The following CNOT6 variants were observed in gnomAD, a reference collection of about 807,000 sequenced individuals.
CNOT6 encodes CCR4-NOT transcription complex subunit 6, also known as carbon catabolite repression 4 protein.
CNOT6 carries 12 observed loss-of-function variants against 61.2 expected under a neutral mutation model. The ratio of observed to expected loss-of-function variants is 0.20; its 90% confidence interval spans 0.13 to 0.32. The LOEUF (loss-of-function observed/expected upper bound fraction) is 0.32. Ranked by LOEUF, CNOT6 falls within the 10% of genes least tolerant of loss-of-function variation. CNOT6 has a pLI of 1.00. For missense variants in CNOT6, 405 were observed against 663.9 expected (o/e 0.61, Z 4.28); for synonymous variants, 225 against 240.6 (o/e 0.94, Z 0.60).
intron 11 of CNOT6, among the ~76,000 whole-genome samples, chr5:180,572,056 C>G (rs752814473): frequency 6.6e-6 from 1 of 152,300 alleles, no homozygotes; most frequent in East Asian, 1.9e-4. Context: ...GCTAGATATG[C>G]AGCACCATAA....
chr5:180,573,552 AGTGT>A (rs755954581), intron 11 of CNOT6, among the ~76,000 whole-genome samples: 1,852 of 119,142 alleles, frequency 0.016, 36 homozygotes, highest in African/African-American at 0.032. Flanking sequence ...GGAGGGGGGC[AGTGT>A]GTGTGTGTGT....
At chr5:180,566,069 A>G in intron 7 of CNOT6, 92 bp downstream of exon 7, 1 of 1,203,926 alleles carries the variant, frequency 8.3e-7, no homozygotes, top group South Asian at 1.6e-5. Flanking sequence ...TTTTAGCTTC[A>G]GTAGTTCTTA....
intron 1 of CNOT6, among the ~76,000 whole-genome samples, chr5:180,516,100 C>T (rs186724657): frequency 6.6e-6 from 1 of 151,544 alleles, no homozygotes; most frequent in Admixed American, 6.6e-5. Context: ...CAGGATCTTC[C>T]ATGTTGCCCA....
chr5:180,547,206 T>C (rs932828824), intron 2 of CNOT6, among the ~76,000 whole-genome samples: 1 of 118,958 alleles, frequency 8.4e-6, no homozygotes, highest in Admixed American at 8.2e-5. Context: ...TGACAGGATT[T>C]TTTTTTTCCT....
intron 4 of CNOT6, among the ~76,000 whole-genome samples, chr5:180,561,114 C>G (rs947001797): frequency 5.3e-5 from 8 of 152,026 alleles, no homozygotes; most frequent in African/African-American, 1.9e-4. Context: ...CCATGCCTGG[C>G]TAGTTTTGTT....
At chr5:180,531,669 C>T (rs374210302) in intron 2 of CNOT6, among the ~76,000 whole-genome samples, 1 of 152,200 alleles carries the variant, frequency 6.6e-6, no homozygotes, top group Non-Finnish European at 1.5e-5. Flanking sequence ...GCCGAGATCA[C>T]GCCACTGCAC....
chr5:180,514,753 C>T (rs1757556164), intron 1 of CNOT6, among the ~76,000 whole-genome samples: 1 of 152,062 alleles, frequency 6.6e-6, no homozygotes, highest in African/African-American at 2.4e-5. Flanking sequence ...TGAAGGTACT[C>T]AGTAAATATT....
At chr5:180,509,436 T>G (rs982197152) in intron 1 of CNOT6, among the ~76,000 whole-genome samples, 6 of 152,072 alleles carry the variant, frequency 3.9e-5, no homozygotes, top group African/African-American at 1.4e-4. Flanking sequence ...GCCCTGATTT[T>G]TTTTGTTTTT....
intron 2 of CNOT6, among the ~76,000 whole-genome samples, chr5:180,541,441 A>T (rs34514603): frequency 0.49 from 51,703 of 106,240 alleles, 12,366 homozygotes; most frequent in Non-Finnish European, 0.56. Context: ...TGGCCAAGAA[A>T]TTTTTTTTTT....
intron 3 of CNOT6, 22 bp downstream of exon 3, chr5:180,550,139 C>T (rs530357182): frequency 1.3e-6 from 2 of 1,597,428 alleles, no homozygotes. Flanking sequence ...CAACTTAATA[C>T]ATACTAGCTA....
chr5:180,517,205 AC>A (rs1757677059), intron 1 of CNOT6, among the ~76,000 whole-genome samples: 1 of 152,030 alleles, frequency 6.6e-6, no homozygotes, highest in Non-Finnish European at 1.5e-5. Context: ...TGGCGTGATC[AC>A]TGCCCACTGT....
At chr5:180,549,449 A>G (rs1481062529) in intron 2 of CNOT6, among the ~76,000 whole-genome samples, 3 of 152,094 alleles carry the variant, frequency 2.0e-5, no homozygotes, top group South Asian at 2.1e-4. Flanking sequence ...GGAGATCGAG[A>G]CCATCCTTGT....
At chr5:180,508,653 G>T (rs1006299633) in intron 1 of CNOT6, among the ~76,000 whole-genome samples, 2 of 151,308 alleles carry the variant, frequency 1.3e-5, no homozygotes, top group African/African-American at 4.9e-5. Context: ...TCAAGGCAAG[G>T]TCTCACGGTC....
intron 4 of CNOT6, among the ~76,000 whole-genome samples, chr5:180,555,904 C>G (rs1205119283): frequency 6.6e-6 from 1 of 152,098 alleles, no homozygotes; most frequent in Non-Finnish European, 1.5e-5. Flanking sequence ...TTTTTCCCCC[C>G]ACATTTTTAA....
intron 7 of CNOT6, among the ~76,000 whole-genome samples, chr5:180,566,358 C>T (rs763491784): frequency 5.9e-5 from 9 of 152,152 alleles, no homozygotes; most frequent in Non-Finnish European, 1.2e-4. Flanking sequence ...ACTTGGTACA[C>T]GAACATTTTG....
chr5:180,499,726 A>C (rs1464937187), intron 1 of CNOT6, among the ~76,000 whole-genome samples: 2 of 152,182 alleles, frequency 1.3e-5, no homozygotes, highest in East Asian at 3.8e-4. Flanking sequence ...AAATATATAG[A>C]TACTGTAATA....
chr5:180,502,732 A>G (rs1756920515), intron 1 of CNOT6, among the ~76,000 whole-genome samples: 1 of 152,196 alleles, frequency 6.6e-6, no homozygotes, highest in Non-Finnish European at 1.5e-5. Flanking sequence ...GATTATACGG[A>G]GATAGATGTG....
intron 4 of CNOT6, among the ~76,000 whole-genome samples, chr5:180,562,839 A>G (rs949845951): frequency 1.8e-4 from 28 of 152,206 alleles, no homozygotes; most frequent in African/African-American, 6.5e-4. Context: ...TCATTTTCTC[A>G]AGATGTGTTT....
At chr5:180,522,621 G>A (rs1435075248) in intron 1 of CNOT6, among the ~76,000 whole-genome samples, 3 of 152,028 alleles carry the variant, frequency 2.0e-5, no homozygotes, top group Non-Finnish European at 2.9e-5. Flanking sequence ...GTTTAGTTAT[G>A]TGGAGCATTT....
Sources: allele counts gnomAD v4.1 joint callset (sites outside exome capture counted in the v4.1 genomes callset), GRCh38; gene constraint gnomAD v4.1.1; transcripts MANE v1.5; gene names NCBI Gene and HGNC (gene_info 2026-07-23, HGNC 2026-07-21).